The following CLEC16A variants were observed in gnomAD, a reference collection of about 807,000 sequenced individuals.
CLEC16A encodes the protein C-type lectin domain containing 16A, also known as protein CLEC16A.
In CLEC16A, 51 loss-of-function variants were observed where a neutral mutation model predicts 109.5. That is an observed-to-expected ratio of 0.47 (90% CI 0.37 to 0.59). The LOEUF (loss-of-function observed/expected upper bound fraction) is 0.59. Ranked by LOEUF, CLEC16A falls within the 20% of genes least tolerant of loss-of-function variation. The pLI, the probability that CLEC16A is intolerant of heterozygous loss-of-function variation, is 0.00. For synonymous variants in CLEC16A, 673 were observed against 564.2 expected (o/e 1.19, Z -2.73); for missense variants, 1,339 against 1,394.0 (o/e 0.96, Z 0.63).
At chr16:10,999,114 A>G (rs1439879073) in intron 10 of CLEC16A, among the ~76,000 whole-genome samples, 1 of 152,204 alleles carries the variant, frequency 6.6e-6, no homozygotes, top group Non-Finnish European at 1.5e-5. Flanking sequence ...TTATATGTAT[A>G]TGTTTAGAGA....
intron 10 of CLEC16A, among the ~76,000 whole-genome samples, chr16:10,993,544 A>G (rs1276785735): frequency 6.6e-6 from 1 of 152,196 alleles, no homozygotes; most frequent in Non-Finnish European, 1.5e-5. Context: ...CCCAAATCTC[A>G]CACTGTTTCT....
chr16:11,012,618 A>G (rs933727490), intron 11 of CLEC16A, among the ~76,000 whole-genome samples: 11 of 149,450 alleles, frequency 7.4e-5, no homozygotes, highest in East Asian at 3.9e-4. Flanking sequence ...AAAAAAAAAA[A>G]AAAGAAAGAT....
intron 19 of CLEC16A, among the ~76,000 whole-genome samples, chr16:11,069,552 C>T (rs2048949671): frequency 6.6e-6 from 1 of 152,016 alleles, no homozygotes; most frequent in Non-Finnish European, 1.5e-5. Context: ...CTACTGCTGC[C>T]TCAGCCTCCT....
chr16:11,052,764 C>A (rs558459227), intron 18 of CLEC16A, among the ~76,000 whole-genome samples: 2 of 152,316 alleles, frequency 1.3e-5, no homozygotes, highest in East Asian at 3.9e-4. Context: ...TCACCCCCAG[C>A]CAGGGCTACA....
At chr16:11,092,361 A>AACAAACACACAC (rs1242393235) in intron 19 of CLEC16A, among the ~76,000 whole-genome samples, 8 of 132,436 alleles carry the variant, frequency 6.0e-5, no homozygotes, top group Non-Finnish European at 1.3e-4. Flanking sequence ...AACAAAAACA[A>AACAAACACACAC]ACACACACAC....
chr16:11,090,657 G>T (rs1275311021), intron 19 of CLEC16A, among the ~76,000 whole-genome samples: 1 of 152,022 alleles, frequency 6.6e-6, no homozygotes, highest in East Asian at 1.9e-4. Flanking sequence ...TATTTAGTTA[G>T]TTTTTGAGAG....
chr16:11,099,328 G>C (rs1267706189), intron 19 of CLEC16A, among the ~76,000 whole-genome samples: 2 of 152,244 alleles, frequency 1.3e-5, no homozygotes, highest in African/African-American at 4.8e-5. Flanking sequence ...GTAGCCACTT[G>C]TGGCTGTCTA....
chr16:11,151,401 G>A (rs746085558), intron 22 of CLEC16A, among the ~76,000 whole-genome samples: 1 of 152,204 alleles, frequency 6.6e-6, no homozygotes, highest in Admixed American at 6.5e-5. Context: ...ATTCACCTGG[G>A]CTCTCAGATG....
At chr16:10,970,558 T>G (rs1032263254) in intron 4 of CLEC16A, among the ~76,000 whole-genome samples, 4 of 152,160 alleles carry the variant, frequency 2.6e-5, no homozygotes, top group Non-Finnish European at 5.9e-5. Context: ...TCTGGACTCA[T>G]TTTCTTTTTA....
chr16:11,017,471 C>T (rs1256916291), intron 11 of CLEC16A, among the ~76,000 whole-genome samples: 1 of 152,132 alleles, frequency 6.6e-6, no homozygotes, highest in East Asian at 1.9e-4. Context: ...AGAAGAATGC[C>T]AAATAATTTA....
At chr16:11,134,052 C>G (rs2053408845) in intron 22 of CLEC16A, among the ~76,000 whole-genome samples, 1 of 152,148 alleles carries the variant, frequency 6.6e-6, no homozygotes, top group African/African-American at 2.4e-5. Context: ...ACCATTTTCC[C>G]TTTCAGCAGG....
chr16:11,049,516 T>A (rs937744294), intron 17 of CLEC16A, among the ~76,000 whole-genome samples: 23 of 149,960 alleles, frequency 1.5e-4, no homozygotes. Flanking sequence ...TAATCAAACA[T>A]GTATTGTGTG....
intron 23 of CLEC16A, among the ~76,000 whole-genome samples, chr16:11,176,944 T>G (rs2068772543): frequency 6.6e-6 from 1 of 152,204 alleles, no homozygotes; most frequent in African/African-American, 2.4e-5. Context: ...TATTTTGCTT[T>G]ATGTTCCATT....
intron 19 of CLEC16A, among the ~76,000 whole-genome samples, chr16:11,065,440 A>T (rs578091807): frequency 6.6e-6 from 1 of 152,230 alleles, no homozygotes; most frequent in Non-Finnish European, 1.5e-5. Context: ...AGCCCATTCA[A>T]TGAAGACCCA....
intron 19 of CLEC16A, among the ~76,000 whole-genome samples, chr16:11,072,979 T>C (rs1597291337): frequency 6.6e-6 from 1 of 152,164 alleles, no homozygotes; most frequent in East Asian, 1.9e-4. Flanking sequence ...ATTGAAGAGC[T>C]GAAACCACAG....
intron 19 of CLEC16A, among the ~76,000 whole-genome samples, chr16:11,093,796 G>A (rs190537233): frequency 4.3e-4 from 66 of 152,276 alleles, no homozygotes; most frequent in African/African-American, 1.6e-3. Context: ...TGGGCTGGGA[G>A]CAGCTCCAGG....
rs1597076949 is a variant in CLEC16A at position 11,020,236 on chromosome 16, G to A, written c.1347G>A (p.Leu449=). 6.2e-7 allele frequency: 1 copy of A among 1,613,828 alleles called. No homozygotes were observed. Among genetic ancestry groups the A allele is most frequent in the Non-Finnish European group, 8.5e-7 (1 of 1,179,772 alleles). ...VIMERSKLSE[L]AASTSVQEQN... ...TGGAGCGTAGCAAGCTCTCAGAGCT[G>A]GCCGCCAGCACCTCCGTGCAGGAGC... Residue 449 remains leucine (L), a synonymous_variant, in exon 12 of 24, where the codon CTG becomes CTA. Coordinates refer to ENST00000409790, the MANE Select transcript of CLEC16A (RefSeq NM_015226.3).
intron 1 of CLEC16A, among the ~76,000 whole-genome samples, chr16:10,952,035 A>G (rs1470326985): frequency 3.3e-5 from 5 of 152,250 alleles, no homozygotes; most frequent in Admixed American, 6.5e-5. Flanking sequence ...ATAATGCAAC[A>G]TGACCTCAAC....
At chr16:11,016,355 T>TC (rs1491381527) in intron 11 of CLEC16A, among the ~76,000 whole-genome samples, 1 of 41,500 alleles carries the variant, frequency 2.4e-5, no homozygotes, top group African/African-American at 1.6e-4. Context: ...TTTTTTTTTC[T>TC]TTTTTTTTTT....
Sources: gnomAD v4.1 joint callset for allele counts (sites outside exome capture counted in the v4.1 genomes callset) on GRCh38, gnomAD v4.1.1 for gene constraint, MANE v1.5 for transcripts, NCBI Gene and HGNC (gene_info 2026-07-23, HGNC 2026-07-21) for gene names.